Variants in BMPER observed in about 807,000 individuals in gnomAD.
BMPER encodes BMP binding endothelial regulator.
BMPER carries 45 observed loss-of-function variants against 87.3 expected under a neutral mutation model. The observed-to-expected ratio is 0.52, with a 90% CI of 0.41 to 0.66. The LOEUF is 0.66. Among genes scored for constraint, BMPER ranks in the 30% least tolerant of loss-of-function variants. BMPER has a pLI of 0.00. For synonymous variants in BMPER, 326 were observed against 316.2 expected, an observed-to-expected ratio of 1.03 and a Z score of -0.33; for missense variants, 784 against 867.5, an observed-to-expected ratio of 0.90 and a Z score of 1.21.
intron 6 of BMPER, among the ~76,000 whole-genome samples, chr7:34,043,458 G>A (rs905825279): frequency 1.3e-5 from 2 of 152,136 alleles, no homozygotes; most frequent in Non-Finnish European, 2.9e-5. Flanking sequence ...TCAGTCATAT[G>A]GGCACATCTC....
intron 13 of BMPER, among the ~76,000 whole-genome samples, chr7:34,090,303 T>C (rs1334733077): frequency 2.0e-5 from 3 of 152,218 alleles, no homozygotes; most frequent in Non-Finnish European, 4.4e-5. Flanking sequence ...TAGATTATAT[T>C]TGGATTCAAA....
At chr7:34,073,166 A>G (rs946465077) in intron 11 of BMPER, among the ~76,000 whole-genome samples, 2 of 152,308 alleles carry the variant, frequency 1.3e-5, no homozygotes, top group African/African-American at 4.8e-5. Context: ...GGTACATAAT[A>G]TGTGTTACAG....
chr7:34,154,185 T>C lies in BMPER; in HGVS notation c.*912T>C, dbSNP rs1302794333. The C allele has an allele frequency of 6.6e-6, 1 of 152,644 alleles. No individual in the cohort carries two copies. Among genetic ancestry groups the C allele is most frequent in the Non-Finnish European group, 1.5e-5 (1 of 68,038 alleles). 9.5% of individuals were successfully genotyped at this position (152,644 alleles called of 1,614,324 possible). A position where few individuals can be genotyped will look rare whatever the true frequency, so the allele number is the denominator to read the frequency against. On this transcript the variant is annotated 3_prime_UTR_variant, in exon 15 of 15. Transcript: ENST00000649409. ...GTAACCCATCTACATTTTGTGGCTA[T>C]TTCATGTATAAAATGAAAGGCTTTA...
intron 13 of BMPER, among the ~76,000 whole-genome samples, chr7:34,098,040 G>A (rs147149911): frequency 2.6e-5 from 4 of 151,990 alleles, no homozygotes; most frequent in Non-Finnish European, 5.9e-5. Context: ...CTGCCTCCTC[G>A]TTCATGAAGT....
chr7:34,148,039 T>G (rs550351260), intron 14 of BMPER, among the ~76,000 whole-genome samples: 1 of 152,248 alleles, frequency 6.6e-6, no homozygotes, highest in East Asian at 1.9e-4. Flanking sequence ...TGGGGTCATT[T>G]GTGGTCTCTG....
intron 14 of BMPER, among the ~76,000 whole-genome samples, chr7:34,151,924 T>C (rs1791186796): frequency 6.6e-6 from 1 of 152,246 alleles, no homozygotes; most frequent in Non-Finnish European, 1.5e-5. Context: ...CATTTGTTTC[T>C]AACCAGTGCA....
intron 13 of BMPER, among the ~76,000 whole-genome samples, chr7:34,132,209 T>C (rs550266729): frequency 2.6e-4 from 39 of 152,150 alleles, no homozygotes; most frequent in Admixed American, 9.2e-4. Flanking sequence ...AGAAGCAACA[T>C]TGAAGAAGGC....
At chr7:34,097,001 G>T (rs534107976) in intron 13 of BMPER, among the ~76,000 whole-genome samples, 14 of 152,362 alleles carry the variant, frequency 9.2e-5, no homozygotes, top group African/African-American at 3.4e-4. Context: ...CACAGAGCTT[G>T]CAGGGCATGT....
chr7:34,131,658 C>T (rs1317768073), intron 13 of BMPER, among the ~76,000 whole-genome samples: 2 of 152,118 alleles, frequency 1.3e-5, no homozygotes, highest in Non-Finnish European at 2.9e-5. Context: ...CATAAATTTT[C>T]CTCACCGCCA....
At chr7:34,147,371 C>T (rs868825691) in intron 14 of BMPER, among the ~76,000 whole-genome samples, 1 of 152,210 alleles carries the variant, frequency 6.6e-6, no homozygotes. Flanking sequence ...TTGATAAAGC[C>T]GGCACATAAT....
chr7:34,068,798 A>G (rs1788661576), intron 11 of BMPER, among the ~76,000 whole-genome samples: 1 of 152,200 alleles, frequency 6.6e-6, no homozygotes, highest in South Asian at 2.1e-4. Context: ...TTTTAGCATC[A>G]GGAAATTTGT....
Position 33,974,713 on chromosome 7 carries a change from G to A in BMPER, c.505G>A (p.Glu169Lys), listed in dbSNP as rs200097821. ...TGTCTGCTTTCCAGGCTGTGTGTTTGAGGGTGTGCAGTATCAAGAAGGGGA... is the reference window on the plus strand; with the variant it reads ...TGTCTGCTTTCCAGGCTGTGTGTTTAAGGGTGTGCAGTATCAAGAAGGGGA... Reference protein sequence around the residue: ...CCPTCPGCVFEGVQYQEGEEF... With the variant: ...CCPTCPGCVFKGVQYQEGEEF... Residue 169 changes from glutamate (E) to lysine (K), a missense_variant, in exon 6 of 15, where the codon GAG (glutamate) becomes AAG (lysine). Physicochemically the swap from Glu to Lys is moderately conservative, Grantham distance 56. Transcript: ENST00000649409. The A allele has an allele frequency of 1.8e-4, 297 of 1,614,062 alleles. No individual in the cohort carries two copies. Among genetic ancestry groups the A allele is most frequent in the Admixed American group, 3.3e-4 (20 of 60,016 alleles).
At chr7:34,137,521 A>T (rs1013943196) in intron 13 of BMPER, among the ~76,000 whole-genome samples, 2 of 152,246 alleles carry the variant, frequency 1.3e-5, no homozygotes, top group African/African-American at 4.8e-5. Flanking sequence ...AGCCAGACAC[A>T]GTCCTTGTCC....
chr7:34,115,087 A>G (rs1317029554), intron 13 of BMPER, among the ~76,000 whole-genome samples: 1 of 152,250 alleles, frequency 6.6e-6, no homozygotes, highest in African/African-American at 2.4e-5. Context: ...TACTATATAA[A>G]AATGGCTTTA....
chr7:33,966,074 A>T (rs535722107), intron 3 of BMPER, among the ~76,000 whole-genome samples: 3 of 152,264 alleles, frequency 2.0e-5, no homozygotes, highest in Non-Finnish European at 2.9e-5. Context: ...TTTATTTTCT[A>T]TCATGTTTTA....
chr7:33,960,373 C>A (rs1785238232), intron 3 of BMPER, among the ~76,000 whole-genome samples: 1 of 152,098 alleles, frequency 6.6e-6, no homozygotes, highest in African/African-American at 2.4e-5. Flanking sequence ...CCATATGTTT[C>A]TGGAGAACAG....
chr7:34,096,668 G>A (rs1789539899), intron 13 of BMPER, among the ~76,000 whole-genome samples: 1 of 152,048 alleles, frequency 6.6e-6, no homozygotes, highest in African/African-American at 2.4e-5. Flanking sequence ...GAGCAGTTGT[G>A]TAGCCGAGAC....
chr7:34,138,700 C>T (rs561444254), intron 13 of BMPER, among the ~76,000 whole-genome samples: 1 of 152,274 alleles, frequency 6.6e-6, no homozygotes, highest in Non-Finnish European at 1.5e-5. Context: ...TTGCCAATTC[C>T]GTTACAATAG....
intron 6 of BMPER, among the ~76,000 whole-genome samples, chr7:34,018,843 A>G (rs531310134): frequency 6.6e-6 from 1 of 152,018 alleles, no homozygotes; most frequent in Non-Finnish European, 1.5e-5. Flanking sequence ...AAGAAAAAAT[A>G]AAAGAAAAAA....
Sources: allele counts gnomAD v4.1 joint callset (sites outside exome capture counted in the v4.1 genomes callset), GRCh38; gene constraint gnomAD v4.1.1; transcripts MANE v1.5; gene names NCBI Gene and HGNC (gene_info 2026-07-23, HGNC 2026-07-21).